PRKCA: variants seen among roughly 807,000 people sequenced by gnomAD.
PRKCA encodes the protein protein kinase C alpha, also known as protein kinase C alpha type.
PRKCA carries 27 observed loss-of-function variants against 87.0 expected under a neutral mutation model. That is an observed-to-expected ratio of 0.31 (90% CI 0.23 to 0.43). The LOEUF (loss-of-function observed/expected upper bound fraction) is 0.43, where lower values mean the gene tolerates loss of function less well. Ranked by LOEUF, PRKCA falls within the 20% of genes least tolerant of loss-of-function variation. The pLI is 1.00. For synonymous variants in PRKCA, 329 were observed against 311.1 expected (o/e 1.06, Z -0.61); for missense variants, 518 against 852.3 (o/e 0.61, Z 4.88).
chr17:66,684,716 TA>T (rs755049731), intron 5 of PRKCA, among the ~76,000 whole-genome samples: 1 of 152,230 alleles, frequency 6.6e-6, no homozygotes, highest in Non-Finnish European at 1.5e-5. Context: ...ATTGAAGATA[TA>T]AAAGCCAGCA....
intron 13 of PRKCA, among the ~76,000 whole-genome samples, chr17:66,762,869 C>A (rs1300138005): frequency 6.6e-6 from 1 of 152,212 alleles, no homozygotes; most frequent in African/African-American, 2.4e-5. Flanking sequence ...TGGCTCCCTG[C>A]AACCTCTACC....
chr17:66,332,044 C>CG (rs1210179017), intron 2 of PRKCA, among the ~76,000 whole-genome samples: 5 of 104,598 alleles, frequency 4.8e-5, no homozygotes, highest in African/African-American at 2.0e-4. Context: ...GGTAGCAAAC[C>CG]AATTTTTTTT....
At chr17:66,551,644 G>C (rs923921006) in intron 3 of PRKCA, among the ~76,000 whole-genome samples, 2 of 152,144 alleles carry the variant, frequency 1.3e-5, no homozygotes, top group Admixed American at 6.5e-5. Flanking sequence ...ATACTCAAGG[G>C]GGGGATATTG....
chr17:66,448,980 T>TAA (rs58373500), intron 2 of PRKCA, among the ~76,000 whole-genome samples: 15 of 140,604 alleles, frequency 1.1e-4, no homozygotes, highest in African/African-American at 3.4e-4. Flanking sequence ...ACTCTAAACT[T>TAA]AAAAAAAAAA....
intron 2 of PRKCA, among the ~76,000 whole-genome samples, chr17:66,478,213 G>T (rs1915617692): frequency 6.6e-6 from 1 of 152,110 alleles, no homozygotes; most frequent in Non-Finnish European, 1.5e-5. Flanking sequence ...AGTCACTTGT[G>T]CATTCCTCTA....
At chr17:66,354,373 G>A (rs1007598668) in intron 2 of PRKCA, among the ~76,000 whole-genome samples, 1 of 152,232 alleles carries the variant, frequency 6.6e-6, no homozygotes, top group Non-Finnish European at 1.5e-5. Flanking sequence ...CTGCATACAG[G>A]ATGCTGAGCA....
At chr17:66,772,797 C>T (rs1344731854) in intron 13 of PRKCA, among the ~76,000 whole-genome samples, 1 of 152,060 alleles carries the variant, frequency 6.6e-6, no homozygotes, top group Non-Finnish European at 1.5e-5. Flanking sequence ...GAATGAGCTC[C>T]CTGTGGACCC....
intron 3 of PRKCA, among the ~76,000 whole-genome samples, chr17:66,531,870 G>C (rs1967553987): frequency 6.6e-6 from 1 of 152,152 alleles, no homozygotes; most frequent in Admixed American, 6.5e-5. Context: ...TCTTTGTGCT[G>C]TTTTCCTTCC....
intron 3 of PRKCA, among the ~76,000 whole-genome samples, chr17:66,595,476 T>C (rs1969946298): frequency 1.4e-5 from 2 of 147,506 alleles, no homozygotes; most frequent in Admixed American, 1.4e-4. Flanking sequence ...TTTTTTTTTT[T>C]TTTGAGACAG....
chr17:66,618,309 C>G (rs751206792), intron 3 of PRKCA, among the ~76,000 whole-genome samples: 1 of 148,786 alleles, frequency 6.7e-6, no homozygotes, highest in African/African-American at 2.5e-5. Flanking sequence ...GAGCTGAGAT[C>G]GTGCCATTGC....
In PRKCA at chr17:66,633,981, G is replaced by A. The variant is rs76575599; in HGVS notation, c.289-7374G>A. The stretch of plus-strand genomic sequence containing the variant: ...AATGCATCTAGGAAATGTGATGCCC[G>A]GTCAGCATCCGAATTCTGCACAGTG... On this transcript the variant is annotated intron_variant, in intron 3 of 16. Transcript: ENST00000413366. 5.5e-3 allele frequency among the ~76,000 whole-genome samples: 831 copies of A among 152,256 alleles called. 13 individuals carry two copies. The highest frequency in any genetic ancestry group is 0.019 in the African/African-American group (796 of 41,554).
chr17:66,787,832 A>G (rs1210583416), intron 15 of PRKCA, among the ~76,000 whole-genome samples: 3 of 151,980 alleles, frequency 2.0e-5, no homozygotes, highest in Non-Finnish European at 2.9e-5. Context: ...TTCACTCAAT[A>G]TTGTGATTGA....
At chr17:66,476,785 C>A (rs1040160024) in intron 2 of PRKCA, among the ~76,000 whole-genome samples, 5 of 152,170 alleles carry the variant, frequency 3.3e-5, no homozygotes, top group Non-Finnish European at 7.3e-5. Context: ...AGTCTTGTTG[C>A]AAGTTCCCAA....
chr17:66,452,408 G>C (rs1914371049), intron 2 of PRKCA, among the ~76,000 whole-genome samples: 1 of 152,236 alleles, frequency 6.6e-6, no homozygotes, highest in African/African-American at 2.4e-5. Context: ...TTAACAGGAA[G>C]ACAGAACTAG....
chr17:66,796,649 C>G (rs954480091), intron 16 of PRKCA: 2 of 985,306 alleles, frequency 2.0e-6, no homozygotes, highest in African/African-American at 3.5e-5. Flanking sequence ...ATGGCCAGAC[C>G]CCTTTGCTGG....
At chr17:66,477,765 G>A (rs909350764) in intron 2 of PRKCA, among the ~76,000 whole-genome samples, 1 of 152,160 alleles carries the variant, frequency 6.6e-6, no homozygotes, top group Non-Finnish European at 1.5e-5. Flanking sequence ...CATTTAAAGT[G>A]TACACTTCAG....
chr17:66,488,088 C>T (rs1033132392), intron 2 of PRKCA, among the ~76,000 whole-genome samples: 5 of 152,074 alleles, frequency 3.3e-5, no homozygotes, highest in Non-Finnish European at 5.9e-5. Flanking sequence ...TCTTTGAGCT[C>T]GTATAATACT....
intron 3 of PRKCA, among the ~76,000 whole-genome samples, chr17:66,636,489 AGGAG>A (rs1459883357): frequency 1.3e-5 from 2 of 152,198 alleles, no homozygotes; most frequent in Non-Finnish European, 2.9e-5. Flanking sequence ...TGCGGGACCT[AGGAG>A]GAAGTCCCTT....
intron 13 of PRKCA, among the ~76,000 whole-genome samples, chr17:66,750,207 A>G (rs1190009276): frequency 6.6e-6 from 1 of 152,028 alleles, no homozygotes; most frequent in African/African-American, 2.4e-5. Context: ...CCGCTTCTGA[A>G]CCATGGGCCC....
Sources: gnomAD v4.1 joint callset for allele counts (sites outside exome capture counted in the v4.1 genomes callset) on GRCh38, gnomAD v4.1.1 for gene constraint, MANE v1.5 for transcripts, NCBI Gene and HGNC (gene_info 2026-07-23, HGNC 2026-07-21) for gene names.